The following CPM variants were observed in gnomAD, a reference collection of about 807,000 sequenced individuals.
CPM encodes the protein renal carboxypeptidase.
In CPM, 35 loss-of-function variants were observed where a neutral mutation model predicts 46.4. That is an observed-to-expected ratio of 0.75 (90% CI 0.58 to 1.00). The LOEUF (loss-of-function observed/expected upper bound fraction) is 1.00, where lower values mean the gene tolerates loss of function less well. Among genes scored for constraint, CPM ranks in the 50% least tolerant of loss-of-function variants. The pLI, the probability that CPM is intolerant of heterozygous loss-of-function variation, is 0.00. For missense variants in CPM, 422 were observed against 530.4 expected (o/e 0.80, Z 2.01); for synonymous variants, 195 against 195.3 (o/e 1.00, Z 0.01).
At chr12:68,858,703 G>T (rs1192113904) in intron 8 of CPM, among the ~76,000 whole-genome samples, 1 of 148,378 alleles carries the variant, frequency 6.7e-6, no homozygotes, top group East Asian at 1.9e-4. Flanking sequence ...TTTAAAAATT[G>T]CCATCAGGGA....
intron 1 of CPM, among the ~76,000 whole-genome samples, chr12:68,955,462 T>C (rs1888999377): frequency 6.6e-6 from 1 of 151,594 alleles, no homozygotes; most frequent in African/African-American, 2.4e-5. Context: ...GCAGCTCTTC[T>C]CTTCTTCTTG....
At chr12:68,935,975 G>A (rs1888667300), upstream of CPM, among the ~76,000 whole-genome samples, 1 of 152,124 alleles carries the variant, frequency 6.6e-6, no homozygotes, top group Admixed American at 6.5e-5. Flanking sequence ...TGTTGTTCTG[G>A]AAAAACAGAG....
chr12:68,928,521 TG>T (rs1195746714), intron 2 of CPM, among the ~76,000 whole-genome samples: 1 of 152,232 alleles, frequency 6.6e-6, no homozygotes, highest in Non-Finnish European at 1.5e-5. Context: ...TCATTTTACC[TG>T]TTTTGTAAAT....
At chr12:68,867,649 C>G (rs1483321865) in intron 6 of CPM, among the ~76,000 whole-genome samples, 1 of 152,200 alleles carries the variant, frequency 6.6e-6, no homozygotes, top group Non-Finnish European at 1.5e-5. Flanking sequence ...ATGACAGACA[C>G]TGGAGTGCAG....
intron 7 of CPM, among the ~76,000 whole-genome samples, chr12:68,860,281 G>C (rs190331482): frequency 8.0e-4 from 121 of 151,846 alleles, no homozygotes; most frequent in African/African-American, 2.9e-3. Context: ...TTTTCACTTC[G>C]TGTGTTCCTC....
At chr12:68,953,300 G>T (rs1888964792) in intron 1 of CPM, among the ~76,000 whole-genome samples, 2 of 151,698 alleles carry the variant, frequency 1.3e-5, no homozygotes, top group South Asian at 4.2e-4. Context: ...TCCTTTTGTG[G>T]TTAAAAATCT....
chr12:68,952,663 G>A (rs1419958296), intron 1 of CPM, among the ~76,000 whole-genome samples: 1 of 152,152 alleles, frequency 6.6e-6, no homozygotes, highest in Non-Finnish European at 1.5e-5. Flanking sequence ...CAGCTAAAGA[G>A]AGAAGAGATA....
chr12:68,946,710 G>C (rs896626116), intron 1 of CPM, among the ~76,000 whole-genome samples: 3 of 152,156 alleles, frequency 2.0e-5, no homozygotes, highest in African/African-American at 7.2e-5. Context: ...GTCTCTAATA[G>C]TGTCCTGTTA....
At position 68,961,975 on chromosome 12, in the gene CPM, C is replaced by G. The variant is rs139346466; in HGVS notation, c.-4+1194G>C. Among the ~76,000 whole-genome samples, 72 of 151,892 alleles carry G rather than the reference C, an allele frequency of 4.7e-4. 2 individuals are homozygous for G. In the East Asian group the frequency reaches 0.013, roughly 27 times the overall value. On this transcript the variant is annotated intron_variant, in intron 1 of 8. Coordinates refer to the CPM transcript ENST00000546373. ...CAGCACTTTGGGAGGCCAAGGCGGG[C>G]GGATCACGAGGTCAGCAGGTCGAGA...
At chr12:68,892,544 A>G (rs1363757944) in intron 2 of CPM, among the ~76,000 whole-genome samples, 1 of 152,176 alleles carries the variant, frequency 6.6e-6, no homozygotes, top group Admixed American at 6.5e-5. Context: ...TTTGAATGCT[A>G]GTCAGCAAAT....
chr12:68,896,771 G>C (rs1360162085), intron 2 of CPM, among the ~76,000 whole-genome samples: 1 of 152,086 alleles, frequency 6.6e-6, no homozygotes, highest in Non-Finnish European at 1.5e-5. Context: ...TTGCTTACAT[G>C]TTCATCCCCA....
intron 1 of CPM, among the ~76,000 whole-genome samples, chr12:68,962,670 G>T (rs979066925): frequency 8.5e-5 from 13 of 152,168 alleles, no homozygotes; most frequent in African/African-American, 2.9e-4. Flanking sequence ...TGGGAAGGGG[G>T]AGCCAGACAT....
intron 1 of CPM, among the ~76,000 whole-genome samples, chr12:68,943,368 A>T (rs965938164): frequency 9.2e-5 from 14 of 152,354 alleles, no homozygotes; most frequent in African/African-American, 2.9e-4. Flanking sequence ...TAAATGCTTT[A>T]TAAGTCCCAA....
At chr12:68,891,267 C>A (rs1202272218) in intron 2 of CPM, among the ~76,000 whole-genome samples, 1 of 152,218 alleles carries the variant, frequency 6.6e-6, no homozygotes, top group African/African-American at 2.4e-5. Context: ...AGTGAATCCA[C>A]AGAAGAGTTG....
At chr12:68,948,479 G>A (rs1447984148) in intron 1 of CPM, among the ~76,000 whole-genome samples, 3 of 151,958 alleles carry the variant, frequency 2.0e-5, no homozygotes, top group African/African-American at 7.3e-5. Flanking sequence ...AGTTTCTAGT[G>A]TCTGTCTTTT....
intron 2 of CPM, among the ~76,000 whole-genome samples, chr12:68,898,359 T>C (rs1488920557): frequency 1.3e-5 from 2 of 152,182 alleles, no homozygotes; most frequent in African/African-American, 4.8e-5. Context: ...CATAAGCTAC[T>C]GTGGAGAAGA....
chr12:68,885,334 AGAGT>A (rs1886382399), intron 3 of CPM, among the ~76,000 whole-genome samples: 2 of 152,202 alleles, frequency 1.3e-5, no homozygotes, highest in Admixed American at 6.5e-5. Flanking sequence ...GATTTAAGAG[AGAGT>A]AACAAAAGCA....
intron 7 of CPM, among the ~76,000 whole-genome samples, chr12:68,865,111 T>G (rs1475990050): frequency 3.3e-5 from 5 of 152,148 alleles, no homozygotes; most frequent in Non-Finnish European, 7.3e-5. Context: ...ATACATGACA[T>G]GCCTCATGAG....
At chr12:68,931,763 A>AAAAAAAAAAAAAAAAAG (rs1482981614) in intron 2 of CPM, among the ~76,000 whole-genome samples, 14 of 132,532 alleles carry the variant, frequency 1.1e-4, no homozygotes, top group Non-Finnish European at 1.6e-4. Flanking sequence ...AAAAAAAAAA[A>AAAAAAAAAAAAAAAAAG]AAAGAAAGAA....
Sources: gnomAD v4.1 joint callset for allele counts (sites outside exome capture counted in the v4.1 genomes callset) on GRCh38, gnomAD v4.1.1 for gene constraint, MANE v1.5 for transcripts, NCBI Gene and HGNC (gene_info 2026-07-23, HGNC 2026-07-21) for gene names.